SCAF11: variants seen among roughly 807,000 people sequenced by gnomAD.
The protein encoded by SCAF11 is SR-related CTD associated factor 11, also known as protein SCAF11.
SCAF11 carries 47 observed loss-of-function variants against 140.5 expected under a neutral mutation model. The ratio of observed to expected loss-of-function variants is 0.33; its 90% CI spans 0.26 to 0.43. The LOEUF (loss-of-function observed/expected upper bound fraction) is 0.43. SCAF11 is among the 20% of genes least tolerant of loss of function. The pLI, the probability that SCAF11 is intolerant of heterozygous loss-of-function variation, is 1.00. For missense variants in SCAF11, 1,645 were observed against 1,705.1 expected (o/e 0.96, Z 0.62); for synonymous variants, 557 against 579.4 (o/e 0.96, Z 0.55).
At chr12:45,945,342 A>G in intron 5 of SCAF11, 29 bp from the exon 6 acceptor site, 3 of 1,347,520 alleles carry the variant, frequency 2.2e-6, no homozygotes, top group Non-Finnish European at 3.1e-6. Context: ...ACAGGAAAGA[A>G]TTAAGAAAAA....
At chr12:45,958,619 A>G (rs951568431) in intron 3 of SCAF11, among the ~76,000 whole-genome samples, 1 of 152,196 alleles carries the variant, frequency 6.6e-6, no homozygotes, top group African/African-American at 2.4e-5. Flanking sequence ...CAGGTTTACC[A>G]TCTATGAATT....
At chr12:45,984,515 A>C (rs1946419531) in intron 1 of SCAF11, among the ~76,000 whole-genome samples, 1 of 152,212 alleles carries the variant, frequency 6.6e-6, no homozygotes, top group South Asian at 2.1e-4. Context: ...CTTCACTGTA[A>C]AGTTACTTTT....
At chr12:45,933,497 A>C (rs1232454452) in intron 8 of SCAF11, among the ~76,000 whole-genome samples, 1 of 152,156 alleles carries the variant, frequency 6.6e-6, no homozygotes, top group African/African-American at 2.4e-5. Context: ...AGAATTTTTT[A>C]AATAAAGTCA....
Position 45,951,630 on chromosome 12 carries a change from T to C in SCAF11, c.297+20A>G. On this transcript the variant is annotated intron_variant, in intron 4 of 14. Transcript: ENST00000369367. ...CAATTAATTTTTATATAATTCATGT[T>C]GCAGAATAAAAAGACTTACCTTAAC... 6.8e-7 allele frequency: 1 copy of C among 1,465,290 alleles called. No individual in the cohort carries two copies. The highest frequency in any genetic ancestry group is 9.3e-7 in the Non-Finnish European group (1 of 1,071,032). The allele number at this position is 1,465,290 out of a possible 1,614,324, so 90.8% of individuals were successfully genotyped here. A position where few individuals can be genotyped will look rare whatever the true frequency, so the allele number is the denominator to read the frequency against.
Position 45,927,586 on chromosome 12 carries a change from A to T in SCAF11, c.2115T>A (p.Ile705=). 1 of 1,613,348 alleles carries T rather than the reference A, an allele frequency of 6.2e-7. No homozygotes were observed. The highest frequency in any genetic ancestry group is 8.5e-7 in the Non-Finnish European group (1 of 1,179,970). Residue 705 remains isoleucine (I), a synonymous_variant, in exon 11 of 15, where the codon ATT becomes ATA. Transcript: ENST00000369367. ...TGTTGTCCTCACTAAAATGCTTCTG[A>T]ATCTGTTCAATGTGTGTTTTAGGCA... ...TELPKTHIEQ[I]QKHFSEDNNE... is the part of the protein sequence containing the mutation.
chr12:45,985,402 C>G (rs973291166), intron 1 of SCAF11, among the ~76,000 whole-genome samples: 6 of 152,140 alleles, frequency 3.9e-5, no homozygotes, highest in African/African-American at 1.4e-4. Flanking sequence ...ACCCCTTACC[C>G]CATACTTCTT....
intron 10 of SCAF11, chr12:45,931,288 T>C: frequency 3.5e-6 from 1 of 286,674 alleles, no homozygotes; most frequent in Non-Finnish European, 6.5e-6. Flanking sequence ...TGTATATAGA[T>C]ATATGGAGAG....
At chr12:45,956,222 A>T (rs753395237) in intron 3 of SCAF11, 4 of 710,464 alleles carry the variant, frequency 5.6e-6, no homozygotes, top group African/African-American at 1.8e-5. Context: ...GTGTTAAGAC[A>T]AGTGCTTAAA....
rs954438084 is a variant in SCAF11 at position 45,927,954 on chromosome 12, T to C, written c.1747A>G (p.Lys583Glu). 11 of 1,613,338 alleles carry C rather than the reference T, an allele frequency of 6.8e-6. No homozygotes were observed. Among genetic ancestry groups the C allele is most frequent in the South Asian group, 3.3e-5 (3 of 91,044 alleles). ...ENVESVVNEE[K>E]ITESSLVEIT... Reference sequence around the variant, plus strand: ...TCTACTAGGGAACTCTCTGTTATTTTTTCTTCATTAACCACTGACTCTACA... The same window carrying C: ...TCTACTAGGGAACTCTCTGTTATTTCTTCTTCATTAACCACTGACTCTACA... The change falls in exon 11 of 15, where the codon AAA (lysine) becomes GAA (glutamate). Residue 583 changes from lysine to glutamate, a missense_variant. Physicochemically the swap from Lys to Glu is moderately conservative, Grantham distance 56. This residue lies in a region of SCAF11 where 1,582 missense variants were observed against 1,609.2 expected (regional missense o/e 0.98). Transcript: ENST00000369367.
In SCAF11 at chr12:45,978,057, C is replaced by T. The variant is rs779121313; in HGVS notation, c.-22+12296G>A. Among the ~76,000 whole-genome samples, 3 of 152,264 alleles carry T rather than the reference C, an allele frequency of 2.0e-5. No individual in the cohort carries two copies. In the South Asian group the frequency reaches 6.2e-4, roughly 32 times the overall value. ...GGAAGAATATATTTACAACGCAGTA[C>T]TTTATTTAAGAAAATACAAATGAGT... is the stretch of plus-strand genomic sequence containing the variant. On this transcript the variant is annotated intron_variant, in intron 1 of 14. Coordinates refer to ENST00000369367, the MANE Select transcript of SCAF11 (RefSeq NM_004719.3).
At chr12:45,980,018 T>A (rs1288721677) in intron 1 of SCAF11, among the ~76,000 whole-genome samples, 1 of 152,192 alleles carries the variant, frequency 6.6e-6, no homozygotes, top group Non-Finnish European at 1.5e-5. Flanking sequence ...TTTCATATTA[T>A]TTTTGGCTAC....
chr12:45,924,657 G>T, intron 12 of SCAF11, 71 bp downstream of exon 12: 1 of 1,259,550 alleles, frequency 7.9e-7, no homozygotes, highest in South Asian at 1.6e-5. Context: ...GCCTTTTTTT[G>T]AACATCTGTC....
intron 4 of SCAF11, among the ~76,000 whole-genome samples, chr12:45,949,064 G>C (rs1184951630): frequency 6.6e-6 from 1 of 152,142 alleles, no homozygotes; most frequent in African/African-American, 2.4e-5. Context: ...AGAGTAAGCG[G>C]ACTTTTTAAA....
At chr12:45,989,258 T>G (rs1270990209) in intron 1 of SCAF11, among the ~76,000 whole-genome samples, 3 of 152,240 alleles carry the variant, frequency 2.0e-5, no homozygotes, top group Admixed American at 6.5e-5. Context: ...GAAAAAATAA[T>G]GCATTTATTA....
chr12:45,987,611 T>TAG (rs1230264549), intron 1 of SCAF11, among the ~76,000 whole-genome samples: 1 of 152,194 alleles, frequency 6.6e-6, no homozygotes, highest in African/African-American at 2.4e-5. Flanking sequence ...AGGCTGTTGT[T>TAG]TTATACACAG....
intron 9 of SCAF11, among the ~76,000 whole-genome samples, chr12:45,931,872 C>A (rs1359093389): frequency 3.9e-5 from 6 of 152,068 alleles, no homozygotes; most frequent in South Asian, 2.1e-4. Flanking sequence ...AGCAACTTAA[C>A]ACAGATGTTT....
chr12:45,922,279 C>T, intron 14 of SCAF11, 85 bp from the exon 15 acceptor site: 1 of 1,483,852 alleles, frequency 6.7e-7, no homozygotes. Context: ...AAAACAACCC[C>T]AAAGAGATAA....
Position 45,927,173 on chromosome 12 carries a change from C to A in SCAF11, c.2528G>T (p.Arg843Leu). 1.2e-6 allele frequency: 2 copies of A among 1,613,922 alleles called. No homozygotes were observed. The highest frequency in any genetic ancestry group is 1.7e-6 in the Non-Finnish European group (2 of 1,179,946). Residue 843 changes from arginine (R) to leucine (L), a missense_variant, in exon 11 of 15, where the codon CGG becomes CTG. Physicochemically the swap from Arg to Leu is moderately radical, Grantham distance 102. Transcript: ENST00000369367. The stretch of plus-strand genomic sequence containing the variant: ...TGGGGACTGAGAACGGGATTTTTTC[C>A]GGCCTCTGGCTGACTCATTCTTAGG... Reference protein sequence around the residue: ...PSPKNESARGRKKSRSQSPKK... With the variant: ...PSPKNESARGLKKSRSQSPKK...
At chr12:45,959,755 A>T (rs999058475) in intron 3 of SCAF11, among the ~76,000 whole-genome samples, 12 of 152,228 alleles carry the variant, frequency 7.9e-5, no homozygotes, top group African/African-American at 2.9e-4. Context: ...ATAATTTATA[A>T]TAAGCAATTT....
Sources: allele counts gnomAD v4.1 joint callset (sites outside exome capture counted in the v4.1 genomes callset), GRCh38; gene constraint gnomAD v4.1.1; regional missense constraint gnomAD v4.1.1; transcripts MANE v1.5; gene names NCBI Gene and HGNC (gene_info 2026-07-23, HGNC 2026-07-21).